The following DCDC1 variants were observed in gnomAD, a reference collection of about 807,000 sequenced individuals.
DCDC1 encodes the protein doublecortin domain-containing protein 1.
In DCDC1, 200 loss-of-function variants were observed where a neutral mutation model predicts 178.3. That is an observed-to-expected ratio of 1.12 (90% CI 1.00 to 1.26). DCDC1 has a LOEUF of 1.26. DCDC1 is among the 50% of genes most tolerant of loss of function. The probability of loss-of-function intolerance (pLI) is 0.00; values close to 1 mark genes in which losing one functional copy is unlikely to be tolerated. For missense variants in DCDC1, 1,983 were observed against 1,749.2 expected (o/e 1.13, Z -2.38); for synonymous variants, 690 against 604.8 (o/e 1.14, Z -2.07).
intron 20 of DCDC1, among the ~76,000 whole-genome samples, chr11:30,994,038 C>T (rs182021596): frequency 6.6e-6 from 1 of 151,928 alleles, no homozygotes; most frequent in African/African-American, 2.4e-5. Flanking sequence ...GACATAGATA[C>T]AAAAAGCTTC....
chr11:30,999,978 A>G (rs1186476160), intron 20 of DCDC1, among the ~76,000 whole-genome samples: 1 of 152,118 alleles, frequency 6.6e-6, no homozygotes, highest in Non-Finnish European at 1.5e-5. Context: ...GTCACCAACC[A>G]GAAAGAAAAG....
intron 20 of DCDC1, among the ~76,000 whole-genome samples, chr11:30,957,325 A>C (rs1948827760): frequency 6.6e-6 from 1 of 152,220 alleles, no homozygotes; most frequent in African/African-American, 2.4e-5. Flanking sequence ...AAGACCTTAA[A>C]AGGCTCATCT....
At chr11:31,074,392 T>C (rs1956747709) in intron 18 of DCDC1, among the ~76,000 whole-genome samples, 1 of 152,168 alleles carries the variant, frequency 6.6e-6, no homozygotes, top group Non-Finnish European at 1.5e-5. Context: ...GTGATAGTAT[T>C]AAGAGGTAGG....
intron 7 of DCDC1, among the ~76,000 whole-genome samples, chr11:31,267,617 G>A (rs1384694164): frequency 6.6e-6 from 1 of 152,132 alleles, no homozygotes; most frequent in Non-Finnish European, 1.5e-5. Flanking sequence ...AAATAACCCT[G>A]GTTATTCTTC....
At chr11:30,873,610 C>G (rs1486265177) in intron 38 of DCDC1, among the ~76,000 whole-genome samples, 1 of 152,066 alleles carries the variant, frequency 6.6e-6, no homozygotes, top group Non-Finnish European at 1.5e-5. Context: ...TTGGGTGAGC[C>G]TGCCAGGGAT....
In DCDC1 at chr11:31,141,038, G is replaced by A. The variant is rs185486937; in HGVS notation, c.1222-3254C>T. Among the ~76,000 whole-genome samples, 3 of 152,214 alleles carry A rather than the reference G, an allele frequency of 2.0e-5. No individual in the cohort carries two copies. The South Asian group carries it at 6.2e-4, about 32-fold the overall frequency. Reference sequence around the variant, plus strand: ...AGGAAGCTCTCTTATGGACATCCTAGAGGGGAAAATGGACTCAAGACCTCC... The same window carrying A: ...AGGAAGCTCTCTTATGGACATCCTAAAGGGGAAAATGGACTCAAGACCTCC... On this transcript the variant is annotated intron_variant, in intron 9 of 38. Transcript: ENST00000684477.
At chr11:30,923,345 T>C (rs1333041154) in intron 23 of DCDC1, among the ~76,000 whole-genome samples, 1 of 151,682 alleles carries the variant, frequency 6.6e-6, no homozygotes, top group Non-Finnish European at 1.5e-5. Context: ...AACACCAAAA[T>C]GTCAATGTGG....
At chr11:31,359,646 A>G (rs1951604206) in intron 1 of DCDC1, among the ~76,000 whole-genome samples, 1 of 152,176 alleles carries the variant, frequency 6.6e-6, no homozygotes, top group African/African-American at 2.4e-5. Flanking sequence ...GTGCACTGTA[A>G]TGCAAAGACC....
At chr11:31,096,411 T>A (rs2135702616) in intron 15 of DCDC1, among the ~76,000 whole-genome samples, 1 of 152,328 alleles carries the variant, frequency 6.6e-6, no homozygotes, top group East Asian at 1.9e-4. Flanking sequence ...GGGCAGAAGA[T>A]TGTTTTGACT....
At chr11:30,873,364 T>TATATAGAGAGAG (rs1228106379) in intron 38 of DCDC1, among the ~76,000 whole-genome samples, 1 of 137,086 alleles carries the variant, frequency 7.3e-6, no homozygotes, top group African/African-American at 2.8e-5. Context: ...TATATATATA[T>TATATAGAGAGAG]AGAGAGAGAG....
intron 6 of DCDC1, among the ~76,000 whole-genome samples, chr11:31,300,688 T>A (rs970063379): frequency 6.6e-6 from 1 of 152,042 alleles, no homozygotes; most frequent in African/African-American, 2.4e-5. Context: ...TCTGAAAGAA[T>A]AACTATAGAA....
intron 7 of DCDC1, among the ~76,000 whole-genome samples, chr11:31,277,697 G>A (rs114818288): frequency 0.01 from 1,593 of 152,030 alleles, 28 homozygotes; most frequent in African/African-American, 0.036. Flanking sequence ...ATGTGCTAAT[G>A]GTTGATTTCT....
In DCDC1 at chr11:30,890,337, T is replaced by C. The variant is rs567980742; in HGVS notation, c.5082+2481A>G. On this transcript the variant is annotated intron_variant, in intron 36 of 38. Coordinates refer to ENST00000684477, the MANE Select transcript of DCDC1 (RefSeq NM_001387274.1). ...TCCATGGGGCACCTATTTAATACGCTTTATGAATTCCAACACCTATATTTA... is the reference window on the plus strand; with the variant it reads ...TCCATGGGGCACCTATTTAATACGCCTTATGAATTCCAACACCTATATTTA... Among the ~76,000 whole-genome samples, 151 of 152,342 alleles carry C rather than the reference T, an allele frequency of 9.9e-4. 1 individual carries two copies. Among genetic ancestry groups the C allele is most frequent in the African/African-American group, 3.3e-3 (139 of 41,594 alleles).
At chr11:31,069,140 C>G (rs573834500) in intron 18 of DCDC1, among the ~76,000 whole-genome samples, 1 of 152,020 alleles carries the variant, frequency 6.6e-6, no homozygotes, top group Non-Finnish European at 1.5e-5. Context: ...CATGAGCCAC[C>G]GCGCCTGGCC....
chr11:31,030,457 T>C (rs1399614642), intron 20 of DCDC1, among the ~76,000 whole-genome samples: 2 of 152,190 alleles, frequency 1.3e-5, no homozygotes, highest in African/African-American at 4.8e-5. Context: ...GATTGGTAGA[T>C]TGTGATCTAC....
At chr11:30,920,536 G>T (rs1469472145) in intron 25 of DCDC1, among the ~76,000 whole-genome samples, 1 of 152,118 alleles carries the variant, frequency 6.6e-6, no homozygotes, top group Non-Finnish European at 1.5e-5. Flanking sequence ...TAAAATTCTA[G>T]CCTCTTAAAA....
chr11:31,273,797 G>C (rs553550951), intron 7 of DCDC1, among the ~76,000 whole-genome samples: 17 of 152,236 alleles, frequency 1.1e-4, no homozygotes, highest in African/African-American at 3.9e-4. Flanking sequence ...AAAAGAAAGA[G>C]GTTTAGTGGA....
chr11:31,302,776 G>C (rs1320964867), intron 6 of DCDC1, among the ~76,000 whole-genome samples: 1 of 152,100 alleles, frequency 6.6e-6, no homozygotes, highest in African/African-American at 2.4e-5. Flanking sequence ...TAGTAAAATA[G>C]TTAAAATATC....
intron 20 of DCDC1, among the ~76,000 whole-genome samples, chr11:31,051,152 T>C (rs1955222160): frequency 6.6e-6 from 1 of 151,866 alleles, no homozygotes; most frequent in African/African-American, 2.4e-5. Context: ...TCAGGAAAAT[T>C]TGGACACAGT....
Sources: allele counts gnomAD v4.1 joint callset (sites outside exome capture counted in the v4.1 genomes callset), GRCh38; gene constraint gnomAD v4.1.1; transcripts MANE v1.5; gene names NCBI Gene and HGNC (gene_info 2026-07-23, HGNC 2026-07-21).